The following HTR2C variants were observed in gnomAD, a reference collection of about 807,000 sequenced individuals.
HTR2C encodes the protein 5-hydroxytryptamine receptor 2C.
In HTR2C, 5 loss-of-function variants were observed where a neutral mutation model predicts 21.0. The ratio of observed to expected loss-of-function variants is 0.24; its 90% CI spans 0.12 to 0.50. The LOEUF (loss-of-function observed/expected upper bound fraction) is 0.50. Ranked by LOEUF, HTR2C falls within the 20% of genes least tolerant of loss-of-function variation. The pLI, the probability that HTR2C is intolerant of heterozygous loss-of-function variation, is 0.98. For missense variants in HTR2C, 271 were observed against 371.2 expected (o/e 0.73, Z 2.22); for synonymous variants, 150 against 145.3 (o/e 1.03, Z -0.23).
chrX:114,645,678 A>G (rs1158424579), intron 2 of HTR2C, among the ~76,000 whole-genome samples: 1 of 111,890 alleles, frequency 8.9e-6, no homozygotes, highest in Middle Eastern at 4.2e-3. Flanking sequence ...TGTGTTTAGT[A>G]TAAGAATGCA....
At chrX:114,697,562 A>G (rs1377552379) in intron 2 of HTR2C, among the ~76,000 whole-genome samples, 2 of 112,070 alleles carry the variant, frequency 1.8e-5, no homozygotes, top group African/African-American at 6.5e-5. Context: ...AAAAAAATAA[A>G]TAAAATGTAG....
chrX:114,897,751 G>A (rs1462797147), intron 5 of HTR2C, among the ~76,000 whole-genome samples: 1 of 112,102 alleles, frequency 8.9e-6, no homozygotes, highest in African/African-American at 3.2e-5. Flanking sequence ...CCTTTTTATG[G>A]CTGCATAGTA....
intron 1 of HTR2C, among the ~76,000 whole-genome samples, chrX:114,611,476 C>T (rs1173477810): frequency 1.8e-5 from 2 of 112,051 alleles, no homozygotes; most frequent in Admixed American, 9.5e-5. Flanking sequence ...GTACGTATTA[C>T]GTAGAATCAT....
chrX:114,676,474 G>A (rs1247596440), intron 2 of HTR2C, among the ~76,000 whole-genome samples: 3 of 111,824 alleles, frequency 2.7e-5, no homozygotes, highest in Non-Finnish European at 3.8e-5. Flanking sequence ...AACTTTTGAA[G>A]AGGAAAACAA....
intron 2 of HTR2C, among the ~76,000 whole-genome samples, chrX:114,634,602 G>C (rs1435367315): frequency 9.0e-6 from 1 of 110,894 alleles, no homozygotes; most frequent in Non-Finnish European, 1.9e-5. Context: ...TTGAGCTCAG[G>C]AGTTTGAGAC....
chrX:114,691,979 T>C (rs1281251556), intron 2 of HTR2C, among the ~76,000 whole-genome samples: 1 of 111,835 alleles, frequency 8.9e-6, no homozygotes, highest in Non-Finnish European at 1.9e-5. Flanking sequence ...AAAATAAATA[T>C]TACATTTCTC....
chrX:114,754,296 G>GT (rs782732905), intron 4 of HTR2C, among the ~76,000 whole-genome samples: 47 of 111,551 alleles, frequency 4.2e-4, no homozygotes, highest in Non-Finnish European at 8.1e-4. Context: ...GATCAAGCTT[G>GT]TTTTAAAATT....
At chrX:114,615,997 G>A (rs1204055795) in intron 2 of HTR2C, among the ~76,000 whole-genome samples, 2 of 111,917 alleles carry the variant, frequency 1.8e-5, no homozygotes, top group Admixed American at 1.9e-4. Flanking sequence ...TCATCATGTA[G>A]GTATGTAAGG....
chrX:114,905,446 C>A (rs1022880032), intron 5 of HTR2C, among the ~76,000 whole-genome samples: 17 of 111,759 alleles, frequency 1.5e-4, no homozygotes, highest in African/African-American at 5.5e-4. Flanking sequence ...CTATACCTGA[C>A]TAGGCATGTT....
At chrX:114,644,353 A>AAATG (rs1930255551) in intron 2 of HTR2C, among the ~76,000 whole-genome samples, 1 of 19,569 alleles carries the variant, frequency 5.1e-5, no homozygotes, top group Non-Finnish European at 9.7e-5. Flanking sequence ...TAAAATAAAT[A>AAATG]AATAAATAAA....
At chrX:114,755,081 A>C (rs1556429567) in intron 4 of HTR2C, among the ~76,000 whole-genome samples, 2 of 110,358 alleles carry the variant, frequency 1.8e-5, no homozygotes, top group African/African-American at 6.6e-5. Context: ...CTCTACTAAA[A>C]ATACAAAAAT....
intron 4 of HTR2C, among the ~76,000 whole-genome samples, chrX:114,798,575 C>T (rs1369326154): frequency 9.0e-6 from 1 of 111,456 alleles, no homozygotes; most frequent in Non-Finnish European, 1.9e-5. Context: ...CAGAAGGCTG[C>T]ATAACTTAAC....
chrX:114,819,634 T>C (rs1418820215), intron 4 of HTR2C, among the ~76,000 whole-genome samples: 1 of 112,624 alleles, frequency 8.9e-6, no homozygotes, highest in Non-Finnish European at 1.9e-5. Flanking sequence ...GGTGCACAAG[T>C]GCACAATCTC....
At chrX:114,646,782 T>C (rs1198195270) in intron 2 of HTR2C, among the ~76,000 whole-genome samples, 1 of 112,404 alleles carries the variant, frequency 8.9e-6, no homozygotes, top group Non-Finnish European at 1.9e-5. Context: ...CCAGTAGTTT[T>C]ACAGTTTCAA....
chrX:114,879,638 A>G (rs1001904280), intron 5 of HTR2C, among the ~76,000 whole-genome samples: 1 of 110,492 alleles, frequency 9.1e-6, no homozygotes, highest in African/African-American at 3.3e-5. Context: ...TCCAAAGCCC[A>G]TTGTATCATT....
At chrX:114,806,530 CAT>C (rs2070444215) in intron 4 of HTR2C, among the ~76,000 whole-genome samples, 1 of 86,807 alleles carries the variant, frequency 1.2e-5, no homozygotes, top group African/African-American at 4.2e-5. Context: ...ATATATACAC[CAT>C]ATATATACCG....
Position 114,806,993 on chromosome X carries a change from TATATACCATATATATCAC to T in HTR2C, c.350-41004_350-40987del, listed in dbSNP as rs1556450403. Among the ~76,000 whole-genome samples the T allele has an allele frequency of 2.4e-5, 2 of 83,989 alleles. 1 individual carries two copies. The highest frequency in any genetic ancestry group is 1.0e-4 in the African/African-American group (2 of 19,327). The allele number at this position is 83,989 out of a possible 115,157, so 72.9% of individuals were successfully genotyped here. A position where few individuals can be genotyped will look rare whatever the true frequency, so the allele number is the denominator to read the frequency against. On this transcript the variant is annotated intron_variant, in intron 4 of 5. Coordinates refer to ENST00000276198, the MANE Select transcript of HTR2C (RefSeq NM_000868.4). ...ATATATACCATATATATACCACATA[TATATACCATATATATCAC>T]ATATATACCATATATACCATATACA...
intron 4 of HTR2C, among the ~76,000 whole-genome samples, chrX:114,819,508 A>C (rs1222737364): frequency 5.3e-5 from 6 of 112,736 alleles, no homozygotes; most frequent in African/African-American, 1.9e-4. Flanking sequence ...TGACACATGC[A>C]TATTGAATAC....
intron 2 of HTR2C, among the ~76,000 whole-genome samples, chrX:114,641,296 A>G (rs1009664103): frequency 1.3e-4 from 15 of 111,273 alleles, no homozygotes; most frequent in Non-Finnish European, 2.6e-4. Flanking sequence ...ATAGATGCAT[A>G]TATTTTCTCT....
Sources: gnomAD v4.1 joint callset for allele counts (sites outside exome capture counted in the v4.1 genomes callset) on GRCh38, gnomAD v4.1.1 for gene constraint, MANE v1.5 for transcripts, NCBI Gene and HGNC (gene_info 2026-07-23, HGNC 2026-07-21) for gene names.